TAFA4: variants seen among roughly 807,000 people sequenced by gnomAD.
TAFA4 encodes TAFA chemokine like family member 4.
In TAFA4, 20 loss-of-function variants were observed where a neutral mutation model predicts 21.1. That is an observed-to-expected ratio of 0.95 (90% confidence interval 0.67 to 1.38). The LOEUF is 1.38. Ranked by LOEUF, TAFA4 falls within the 40% of genes most tolerant of loss-of-function variation. The probability of loss-of-function intolerance (pLI) is 0.00; values close to 1 mark genes in which losing one functional copy is unlikely to be tolerated. For synonymous variants in TAFA4, 71 were observed against 67.4 expected, an observed-to-expected ratio of 1.05 and a Z score of -0.26; for missense variants, 211 against 180.9, an observed-to-expected ratio of 1.17 and a Z score of -0.95.
intron 4 of TAFA4, among the ~76,000 whole-genome samples, chr3:68,739,728 T>A (rs780079584): frequency 6.6e-6 from 1 of 152,192 alleles, no homozygotes; most frequent in Non-Finnish European, 1.5e-5. Context: ...TACAGCACCA[T>A]GGATGGAACT....
chr3:68,929,380 A>G lies in TAFA4; in HGVS notation c.-123+2860T>C, dbSNP rs1488684527. Among the ~76,000 whole-genome samples, 7 of 152,202 alleles carry G rather than the reference A, an allele frequency of 4.6e-5. No homozygotes were observed. In the East Asian group the frequency reaches 1.2e-3, roughly 25 times the overall value. On this transcript the variant is annotated intron_variant, in intron 1 of 5. Coordinates refer to ENST00000295569, the MANE Select transcript of TAFA4 (RefSeq NM_182522.5). The stretch of plus-strand genomic sequence containing the variant: ...GCCTGAATCGTGAATCTTGTTTCCT[A>G]TGGCCTCAATCCCCCACCCTCAATC...
intron 3 of TAFA4, among the ~76,000 whole-genome samples, chr3:68,871,416 A>G (rs1188536715): frequency 1.3e-5 from 2 of 152,144 alleles, no homozygotes; most frequent in African/African-American, 4.8e-5. Context: ...CTCACTATAT[A>G]CAAAAATCAA....
At chr3:68,845,333 C>T (rs147671780) in intron 3 of TAFA4, among the ~76,000 whole-genome samples, 1 of 151,992 alleles carries the variant, frequency 6.6e-6, no homozygotes, top group East Asian at 1.9e-4. Context: ...ATTGCAACCC[C>T]TACTTTTTTT....
intron 3 of TAFA4, among the ~76,000 whole-genome samples, chr3:68,783,742 A>AAAGT (rs1283187505): frequency 2.4e-5 from 3 of 123,428 alleles, no homozygotes; most frequent in South Asian, 2.7e-4. Flanking sequence ...AGAAAGAAAG[A>AAAGT]AAGTAAGAAA....
At chr3:68,851,705 T>C (rs1031777872) in intron 3 of TAFA4, among the ~76,000 whole-genome samples, 3 of 152,144 alleles carry the variant, frequency 2.0e-5, no homozygotes, top group Non-Finnish European at 2.9e-5. Flanking sequence ...TGATAGCTAA[T>C]AGGATTAGAA....
At chr3:68,919,378 T>C (rs1188987910) in intron 1 of TAFA4, among the ~76,000 whole-genome samples, 1 of 152,198 alleles carries the variant, frequency 6.6e-6, no homozygotes, top group Non-Finnish European at 1.5e-5. Flanking sequence ...ACTTATCACC[T>C]TATTTTCAGC....
chr3:68,786,958 G>GA, intron 3 of TAFA4, among the ~76,000 whole-genome samples: 1 of 151,960 alleles, frequency 6.6e-6, no homozygotes, highest in Non-Finnish European at 1.5e-5. Context: ...GGACAGAGGA[G>GA]AAAAAATAAA....
At chr3:68,907,906 T>C (rs1367517618) in intron 1 of TAFA4, among the ~76,000 whole-genome samples, 1 of 152,210 alleles carries the variant, frequency 6.6e-6, no homozygotes, top group Admixed American at 6.5e-5. Flanking sequence ...TAATGCATTA[T>C]TAACAAGGGG....
intron 3 of TAFA4, among the ~76,000 whole-genome samples, chr3:68,851,671 T>C (rs17048061): frequency 0.15 from 22,061 of 152,056 alleles, 2,208 homozygotes; most frequent in African/African-American, 0.29. Context: ...CTCCCAGACA[T>C]AGATTGCACA....
intron 3 of TAFA4, among the ~76,000 whole-genome samples, chr3:68,815,018 T>C: frequency 6.6e-6 from 1 of 152,038 alleles, no homozygotes; most frequent in East Asian, 1.9e-4. Flanking sequence ...CACATATCTA[T>C]AACTATCTGA....
At chr3:68,829,239 A>G (rs898723656) in intron 3 of TAFA4, among the ~76,000 whole-genome samples, 4 of 152,194 alleles carry the variant, frequency 2.6e-5, no homozygotes, top group African/African-American at 9.6e-5. Flanking sequence ...CTCAGAAATA[A>G]CACCACACAT....
chr3:68,752,754 T>G (rs1177905193), intron 4 of TAFA4, 109 bp downstream of exon 4: 1 of 1,399,160 alleles, frequency 7.1e-7, no homozygotes, highest in Non-Finnish European at 1.0e-6. Flanking sequence ...GACACTGATC[T>G]CAAAGCAACC....
chr3:68,794,411 T>C (rs914839870), intron 3 of TAFA4, among the ~76,000 whole-genome samples: 44 of 152,210 alleles, frequency 2.9e-4, no homozygotes, highest in Admixed American at 2.6e-3. Context: ...TATTACAAAG[T>C]AATCTAACAC....
chr3:68,795,761 G>A (rs1703443674), intron 3 of TAFA4, among the ~76,000 whole-genome samples: 1 of 152,182 alleles, frequency 6.6e-6, no homozygotes, highest in South Asian at 2.1e-4. Flanking sequence ...TGGTGTTGGT[G>A]CTTGCGGATG....
intron 2 of TAFA4, chr3:68,883,086 T>C (rs1045294561): frequency 6.6e-6 from 1 of 152,306 alleles, no homozygotes; most frequent in Admixed American, 6.5e-5. Context: ...ACAGTTTCTG[T>C]AAGTCAGGAG....
At chr3:68,745,693 C>G (rs1702444810) in intron 4 of TAFA4, among the ~76,000 whole-genome samples, 1 of 152,096 alleles carries the variant, frequency 6.6e-6, no homozygotes, top group Non-Finnish European at 1.5e-5. Flanking sequence ...ATTTTGTATT[C>G]TTTTCCCAAA....
At chr3:68,905,447 T>C (rs1483136514) in intron 1 of TAFA4, among the ~76,000 whole-genome samples, 3 of 152,038 alleles carry the variant, frequency 2.0e-5, no homozygotes, top group Non-Finnish European at 2.9e-5. Context: ...GGATTACAGG[T>C]GTGAGCCACT....
At chr3:68,912,728 C>T (rs1055615849) in intron 1 of TAFA4, among the ~76,000 whole-genome samples, 1 of 152,202 alleles carries the variant, frequency 6.6e-6, no homozygotes, top group Non-Finnish European at 1.5e-5. Context: ...CCCAAGAGAT[C>T]AAACTCAGTT....
intron 3 of TAFA4, among the ~76,000 whole-genome samples, chr3:68,825,640 A>G (rs1015034009): frequency 1.3e-5 from 2 of 151,764 alleles, no homozygotes; most frequent in South Asian, 2.1e-4. Flanking sequence ...CTCACTGAGC[A>G]GTTCCTTTAC....
Sources: gnomAD v4.1 joint callset for allele counts (sites outside exome capture counted in the v4.1 genomes callset) on GRCh38, gnomAD v4.1.1 for gene constraint, MANE v1.5 for transcripts, NCBI Gene and HGNC (gene_info 2026-07-23, HGNC 2026-07-21) for gene names.